PDZD2: variants seen among roughly 807,000 people sequenced by gnomAD.
The protein encoded by PDZD2 is PDZ domain containing 2.
In PDZD2, 90 loss-of-function variants were observed where a neutral mutation model predicts 220.7. The ratio of observed to expected loss-of-function variants is 0.41; its 90% confidence interval spans 0.34 to 0.49. The LOEUF is 0.49. PDZD2 is among the 20% of genes least tolerant of loss of function. The probability of loss-of-function intolerance (pLI) is 0.28; values close to 1 mark genes in which losing one functional copy is unlikely to be tolerated. For synonymous variants in PDZD2, 1,375 were observed against 1,450.5 expected (o/e 0.95, Z 1.18); for missense variants, 3,174 against 3,608.5 (o/e 0.88, Z 3.08).
intron 6 of PDZD2, among the ~76,000 whole-genome samples, chr5:32,019,720 G>A (rs368947696): frequency 2.6e-5 from 4 of 152,064 alleles, no homozygotes; most frequent in East Asian, 1.9e-4. Flanking sequence ...CTTTATTATC[G>A]TTCTTTGGAT....
chr5:31,673,574 T>C (rs1471766738), intron 1 of PDZD2, among the ~76,000 whole-genome samples: 3 of 152,182 alleles, frequency 2.0e-5, no homozygotes, highest in Admixed American at 6.5e-5. Flanking sequence ...CTTTATATGT[T>C]GGAACCTCAG....
In PDZD2 at chr5:32,057,905, A is replaced by T; in HGVS notation, c.2002A>T (p.Thr668Ser). The T allele has an allele frequency of 6.2e-7, 1 of 1,613,222 alleles. No individual in the cohort carries two copies. The highest frequency in any genetic ancestry group is 8.5e-7 in the Non-Finnish European group (1 of 1,179,622). ...AATCCGGAGTGGATTATTTGTTTTA[A>T]CGGTACGCACAAAGTTGGTGAGCCC... ...KQIRSGLFVL[T>S]VRTKLVSPSL... Residue 668 changes from threonine to serine, a missense_variant, in exon 12 of 25, where the codon ACG (threonine) becomes TCG (serine). Physicochemically the swap from Thr to Ser is moderately conservative, Grantham distance 58. This residue lies in a region of PDZD2 where 1,861 missense variants were observed against 2,001.0 expected (regional missense o/e 0.93). Transcript: ENST00000438447.
At chr5:32,022,803 T>C (rs764940627) in intron 6 of PDZD2, among the ~76,000 whole-genome samples, 11 of 152,172 alleles carry the variant, frequency 7.2e-5, no homozygotes, top group Non-Finnish European at 1.5e-4. Flanking sequence ...TTTCAGACTA[T>C]GGAATTTTGA....
intron 22 of PDZD2, among the ~76,000 whole-genome samples, chr5:32,097,802 T>G (rs372090552): frequency 1.3e-4 from 20 of 152,312 alleles, no homozygotes; most frequent in African/African-American, 3.6e-4. Context: ...CTCATTCATC[T>G]TCGTATTCCC....
At chr5:31,665,081 T>A (rs1034096003) in intron 1 of PDZD2, 8 of 152,284 alleles carry the variant, frequency 5.3e-5, no homozygotes, top group Non-Finnish European at 8.8e-5. Flanking sequence ...TCTGCTACTG[T>A]CTGATAAGTA....
At chr5:32,103,444 A>G (rs1011115012) in intron 24 of PDZD2, 1 of 152,214 alleles carries the variant, frequency 6.6e-6, no homozygotes, top group Non-Finnish European at 1.5e-5. Flanking sequence ...AAACCTTGAT[A>G]TAATAAAGTT....
chr5:31,692,304 C>T (rs1225003177), intron 1 of PDZD2, among the ~76,000 whole-genome samples: 4 of 152,332 alleles, frequency 2.6e-5, no homozygotes, highest in African/African-American at 7.2e-5. Context: ...TGCGCTGGCC[C>T]GCAAGCACCG....
Position 31,908,068 on chromosome 5 carries a change from G to A in PDZD2, c.477-75087G>A, listed in dbSNP as rs569104515. 2.8e-4 allele frequency among the ~76,000 whole-genome samples: 32 copies of A among 112,466 alleles called. No individual in the cohort carries two copies. In the South Asian group the frequency reaches 1.0e-2, roughly 35 times the overall value. 73.8% of individuals were successfully genotyped at this position (112,466 alleles called of 152,430 possible). On this transcript the variant is annotated intron_variant, in intron 2 of 24. Transcript: ENST00000438447. ...ATTGCACTCTAGCCTGGGTGACAGA[G>A]CCAGGCTCCGTCTCAAAAAAAAAAA... is the stretch of plus-strand genomic sequence containing the variant.
At chr5:32,007,941 C>G (rs968420558) in intron 5 of PDZD2, among the ~76,000 whole-genome samples, 2 of 151,904 alleles carry the variant, frequency 1.3e-5, no homozygotes, top group Admixed American at 1.3e-4. Flanking sequence ...TAGCCTTAAC[C>G]TGTACATAAG....
chr5:31,749,896 A>C (rs1750840954), intron 1 of PDZD2, among the ~76,000 whole-genome samples: 1 of 152,144 alleles, frequency 6.6e-6, no homozygotes, highest in African/African-American at 2.4e-5. Flanking sequence ...AGTGGGGATA[A>C]GGAGAAAGAC....
intron 2 of PDZD2, among the ~76,000 whole-genome samples, chr5:31,815,658 C>T (rs1050082424): frequency 2.6e-5 from 4 of 152,108 alleles, no homozygotes; most frequent in African/African-American, 9.7e-5. Context: ...CCTGTCATGG[C>T]CTGAACCAGT....
At chr5:31,998,305 G>T (rs1270377962) in intron 4 of PDZD2, among the ~76,000 whole-genome samples, 1 of 152,100 alleles carries the variant, frequency 6.6e-6, no homozygotes. Flanking sequence ...CAACTAGTGG[G>T]GCCCTTAGCA....
chr5:31,655,954 A>G (rs1435747478), intron 1 of PDZD2, among the ~76,000 whole-genome samples: 1 of 152,250 alleles, frequency 6.6e-6, no homozygotes, highest in East Asian at 1.9e-4. Flanking sequence ...TGTGTGTGAT[A>G]GCATATTAGG....
Position 32,096,023 on chromosome 5 carries a change from G to A in PDZD2, c.7846-1256G>A, listed in dbSNP as rs112093261. Among the ~76,000 whole-genome samples, 25 of 151,802 alleles carry A rather than the reference G, an allele frequency of 1.6e-4. 2 individuals carry two copies. The highest frequency in any genetic ancestry group is 5.3e-4 in the African/African-American group (22 of 41,384). The stretch of plus-strand genomic sequence containing the variant: ...CTCCCAAAGTGCTGGGATTACAGGC[G>A]TGAGCCACCGCACCCGGCGTAGGAG... On this transcript the variant is annotated intron_variant, in intron 21 of 24. Coordinates refer to ENST00000438447, the MANE Select transcript of PDZD2 (RefSeq NM_178140.4).
At chr5:32,048,972 C>T (rs1738248938) in intron 8 of PDZD2, among the ~76,000 whole-genome samples, 1 of 152,138 alleles carries the variant, frequency 6.6e-6, no homozygotes, top group Non-Finnish European at 1.5e-5. Flanking sequence ...GTCTCATAGT[C>T]TGTGGTGAAC....
intron 2 of PDZD2, among the ~76,000 whole-genome samples, chr5:31,934,848 AGGCCGAGATG>A (rs1042982583): frequency 2.6e-5 from 4 of 152,142 alleles, no homozygotes; most frequent in African/African-American, 9.7e-5. Flanking sequence ...GAACTTTGGG[AGGCCGAGATG>A]GGCAGATCAC....
At chr5:31,726,780 T>C (rs1442014793) in intron 1 of PDZD2, among the ~76,000 whole-genome samples, 1 of 152,192 alleles carries the variant, frequency 6.6e-6, no homozygotes, top group Non-Finnish European at 1.5e-5. Context: ...CCCAGAAAGC[T>C]ATCTACCATT....
intron 1 of PDZD2, among the ~76,000 whole-genome samples, chr5:31,666,634 A>T (rs1217134103): frequency 6.6e-6 from 1 of 152,206 alleles, no homozygotes; most frequent in East Asian, 1.9e-4. Context: ...AGCTAACCCC[A>T]TTGGGACAGA....
chr5:31,759,215 G>A (rs909235686), intron 1 of PDZD2, among the ~76,000 whole-genome samples: 40 of 152,074 alleles, frequency 2.6e-4, no homozygotes, highest in African/African-American at 8.2e-4. Flanking sequence ...AGCTACTGCA[G>A]GATTGAAGTG....
Sources: allele counts gnomAD v4.1 joint callset (sites outside exome capture counted in the v4.1 genomes callset), GRCh38; gene constraint gnomAD v4.1.1; regional missense constraint gnomAD v4.1.1; transcripts MANE v1.5; gene names NCBI Gene and HGNC (gene_info 2026-07-23, HGNC 2026-07-21).